The following HLA-DQB2 variants were observed in gnomAD, a reference collection of about 807,000 sequenced individuals.
The protein encoded by HLA-DQB2 is HLA class II histocompatibility antigen, DQ beta 2 chain.
In HLA-DQB2, 24 loss-of-function variants were observed where a neutral mutation model predicts 29.2. The observed-to-expected ratio is 0.82, with a 90% CI of 0.60 to 1.16. The LOEUF (loss-of-function observed/expected upper bound fraction) is 1.16, where lower values mean the gene tolerates loss of function less well. HLA-DQB2 is among the 50% of genes most tolerant of loss of function. The probability of loss-of-function intolerance (pLI) is 0.00; values close to 1 mark genes in which losing one functional copy is unlikely to be tolerated. For missense variants in HLA-DQB2, 273 were observed against 343.6 expected, an observed-to-expected ratio of 0.79 and a Z score of 1.62; for synonymous variants, 104 against 133.1, an observed-to-expected ratio of 0.78 and a Z score of 1.51.
At chr6:32,759,243 T>C (rs189054743) in intron 2 of HLA-DQB2, 112 bp from the exon 3 acceptor site, 115,769 of 1,131,168 alleles carry the variant, frequency 0.1, no homozygotes, top group Middle Eastern at 0.14. Context: ...ATACCTGGAG[T>C]CCAAGTCTTG....
chr6:32,757,824 C>A lies in HLA-DQB2; in HGVS notation c.706G>T (p.Gly236Trp). The A allele has an allele frequency of 6.2e-7, 1 of 1,613,998 alleles. No individual in the cohort carries two copies. The highest frequency in any genetic ancestry group is 8.5e-7 in the Non-Finnish European group (1 of 1,179,910). Residue 236 changes from glycine (G) to tryptophan (W), a missense_variant, in exon 4 of 6, where the codon GGG becomes TGG. Coordinates refer to ENST00000437316, the MANE Select transcript of HLA-DQB2 (RefSeq NM_001300790.2). ...MLSGIGGFVL[G>W]LIFLGLGLII... ...AGGCCCAGCCCGAGGAAGATCAGCC[C>A]CAGCACGAAGCCTCCAATGCCACTC...
In HLA-DQB2 at chr6:32,763,094, T is replaced by C. The variant is rs112207069; in HGVS notation, c.97+280A>G. Among the ~76,000 whole-genome samples, 450 of 152,306 alleles carry C rather than the reference T, an allele frequency of 3.0e-3. 2 individuals are homozygous for C. The highest frequency in any genetic ancestry group is 0.01 in the African/African-American group (427 of 41,554). ...GGAAATGCATAACCGTGGAGTGCCA[T>C]GGTCATTTTGTCCTGTCACAGGTAG... On this transcript the variant is annotated intron_variant, in intron 1 of 5. Transcript: ENST00000437316.
At chr6:32,763,324 G>C in intron 1 of HLA-DQB2, 50 bp downstream of exon 1, 1 of 1,064,172 alleles carries the variant, frequency 9.4e-7, no homozygotes, top group South Asian at 1.3e-5. Flanking sequence ...AACCCAAGGA[G>C]AGCCTGTTCC....
In HLA-DQB2 at chr6:32,758,436, A is replaced by T. The variant is rs118053420; in HGVS notation, c.646+414T>A. The stretch of plus-strand genomic sequence containing the variant: ...CCTTCTGCCATGATTAGGAGCTTCC[A>T]TATGTCTCCCCATAAGCAGAAGCCA... On this transcript the variant is annotated intron_variant, in intron 3 of 5. Transcript: ENST00000437316. Among the ~76,000 whole-genome samples, 1,385 of 152,270 alleles carry T rather than the reference A, an allele frequency of 9.1e-3. 42 individuals carry two copies. In the South Asian group the frequency reaches 0.1, roughly 11 times the overall value.
rs1475801405 is a variant in HLA-DQB2 at position 32,758,927 on chromosome 6, A to T, written c.569T>A (p.Ile190Lys). The T allele has an allele frequency of 1.1e-5, 17 of 1,613,710 alleles. No homozygotes were observed. The highest frequency in any genetic ancestry group is 1.4e-5 in the Non-Finnish European group (16 of 1,179,922). ...GTAGATGTCTCCACGCTGGGGAGTT[A>T]TTTCCAGCATCACCAGAATCTGGAA... is the stretch of plus-strand genomic sequence containing the variant. ...WTFQILVMLE[I>K]TPQRGDIYTC... Residue 190 changes from isoleucine (I) to lysine (K), a missense_variant, in exon 3 of 6, where the codon ATA (isoleucine) becomes AAA (lysine). Coordinates refer to ENST00000437316, the MANE Select transcript of HLA-DQB2 (RefSeq NM_001300790.2).
At chr6:32,761,564 C>T in intron 2 of HLA-DQB2, 96 bp downstream of exon 2, 18 of 1,361,674 alleles carry the variant, frequency 1.3e-5, no homozygotes, top group South Asian at 7.0e-5. Flanking sequence ...TGGATCAGGG[C>T]TCGGTCCTTG....
At chr6:32,762,058 C>G in intron 1 of HLA-DQB2, 132 bp from the exon 2 acceptor site, 1 of 1,233,244 alleles carries the variant, frequency 8.1e-7, no homozygotes, top group Non-Finnish European at 1.1e-6. Context: ...AAATTGAGTT[C>G]TTGGCTGGGC....
rs1329988613 is a variant in HLA-DQB2 at position 32,756,477 on chromosome 6, G to A, written c.782-11C>T. 2.5e-6 allele frequency: 4 copies of A among 1,574,044 alleles called. No individual in the cohort carries two copies. The highest frequency in any genetic ancestry group is 4.6e-5 in the East Asian group (2 of 43,816). On this transcript the variant is annotated splice_polypyrimidine_tract_variant and intron_variant, in intron 5 of 5. Transcript: ENST00000437316. The stretch of plus-strand genomic sequence containing the variant: ...GTCAGTGCAGGAGTCCTGGAGAAGA[G>A]AGACGAGGCATGATCAGCACAGGGT...
intron 3 of HLA-DQB2, 47 bp downstream of exon 3, chr6:32,758,803 C>G (rs747073079): frequency 3.2e-6 from 5 of 1,583,260 alleles, no homozygotes; most frequent in Non-Finnish European, 4.3e-6. Context: ...GAGCTCTGCC[C>G]TTTGTCTTGT....
intron 2 of HLA-DQB2, among the ~76,000 whole-genome samples, chr6:32,759,438 T>C (rs1764584485): frequency 6.6e-6 from 1 of 152,246 alleles, no homozygotes; most frequent in African/African-American, 2.4e-5. Context: ...AAACTAACAC[T>C]GATCAAACAT....
chr6:32,759,988 A>C (rs796323897), intron 2 of HLA-DQB2, among the ~76,000 whole-genome samples: 6,502 of 117,582 alleles, frequency 0.055, no homozygotes, highest in Middle Eastern at 0.12. Context: ...TGACTGAAAT[A>C]ACAGTCAGCT....
At position 32,757,317 on chromosome 6, in the gene HLA-DQB2, G is replaced by C; in HGVS notation, c.758-13C>G. ...GGCCCTCGAGGTCCTACAAAAGGAAGTTATACAGAGAAAGGTCTTGTTAAA... is the reference window on the plus strand; with the variant it reads ...GGCCCTCGAGGTCCTACAAAAGGAACTTATACAGAGAAAGGTCTTGTTAAA... On this transcript the variant is annotated splice_polypyrimidine_tract_variant and intron_variant, in intron 4 of 5. Transcript: ENST00000437316. 6.5e-7 allele frequency: 1 copy of C among 1,534,092 alleles called. No homozygotes were observed. Among genetic ancestry groups the C allele is most frequent in the Non-Finnish European group, 8.8e-7 (1 of 1,132,054 alleles).
rs1401098241 is a variant in HLA-DQB2 at position 32,758,894 on chromosome 6, T to C, written c.602A>G (p.Gln201Arg). 2 of 1,614,060 alleles carry C rather than the reference T, an allele frequency of 1.2e-6. No homozygotes were observed. Among genetic ancestry groups the C allele is most frequent in the South Asian group, 2.2e-5 (2 of 91,080 alleles). Residue 201 changes from glutamine to arginine, a missense_variant, in exon 3 of 6, where the codon CAA (glutamine) becomes CGA (arginine). Transcript: ENST00000437316. ...TPQRGDIYTC[Q>R]VEHPSLQSPI... ...GCTCTGGAGGCTGGGGTGCTCCACT[T>C]GGCAGGTGTAGATGTCTCCACGCTG...
rs1183083075 is a variant in HLA-DQB2, at chr6:32,761,932, G to C, written c.98-6C>G. Reference sequence around the variant, plus strand: ...AAACTGGACCAAGAAATCCTCTGCGGAGAATCACGGCGGGTCAGTCAGGCC... The same window carrying C: ...AAACTGGACCAAGAAATCCTCTGCGCAGAATCACGGCGGGTCAGTCAGGCC... On this transcript the variant is annotated splice_region_variant and splice_polypyrimidine_tract_variant and intron_variant, in intron 1 of 5. Coordinates refer to ENST00000437316, the MANE Select transcript of HLA-DQB2 (RefSeq NM_001300790.2). 6.3e-7 allele frequency: 1 copy of C among 1,593,312 alleles called. No individual in the cohort carries two copies. The highest frequency in any genetic ancestry group is 8.6e-7 in the Non-Finnish European group (1 of 1,169,028).
rs112625787 is a variant in HLA-DQB2 at position 32,757,897 on chromosome 6, C to G, written c.647-14G>C. The G allele has an allele frequency of 4.4e-6, 7 of 1,606,480 alleles. No homozygotes were observed. Among genetic ancestry groups the G allele is most frequent in the Middle Eastern group, 1.7e-4 (1 of 6,052 alleles). On this transcript the variant is annotated splice_polypyrimidine_tract_variant and intron_variant, in intron 3 of 5. Transcript: ENST00000437316. ...CAGACTGAGCCCCTAAGGAGCAGAACTGAGTGTGAGTGTTTGTCCCCACAC... is the reference window on the plus strand; with the variant it reads ...CAGACTGAGCCCCTAAGGAGCAGAAGTGAGTGTGAGTGTTTGTCCCCACAC...
At chr6:32,758,462 C>A (rs1170400733) in intron 3 of HLA-DQB2, among the ~76,000 whole-genome samples, 3 of 152,212 alleles carry the variant, frequency 2.0e-5, no homozygotes, top group Non-Finnish European at 4.4e-5. Context: ...GCAGAAGCCA[C>A]TATGCTTCCC....
intron 5 of HLA-DQB2, chr6:32,757,037 T>TTTTTTA: frequency 7.2e-7 from 1 of 1,380,582 alleles, no homozygotes; most frequent in Admixed American, 3.0e-5. Context: ...TTTTTTTTTT[T>TTTTTTA]GAGACAGACT....
intron 1 of HLA-DQB2, 62 bp from the exon 2 acceptor site, chr6:32,761,988 G>C (rs910581597): frequency 6.4e-7 from 1 of 1,553,862 alleles, no homozygotes; most frequent in East Asian, 2.4e-5. Context: ...GCCCCCAGCC[G>C]GACCGCACCC....
At chr6:32,762,255 G>C (rs2113958556) in intron 1 of HLA-DQB2, among the ~76,000 whole-genome samples, 1 of 152,300 alleles carries the variant, frequency 6.6e-6, no homozygotes, top group East Asian at 1.9e-4. Flanking sequence ...TCTGCTCTTA[G>C]ATCAGGGCGT....
Sources: allele counts gnomAD v4.1 joint callset (sites outside exome capture counted in the v4.1 genomes callset), GRCh38; gene constraint gnomAD v4.1.1; transcripts MANE v1.5; gene names NCBI Gene and HGNC (gene_info 2026-07-23, HGNC 2026-07-21).